Variants in STAG1 observed in about 807,000 individuals in gnomAD.
STAG1 encodes cohesin subunit SA-1.
Under a neutral mutation model 170.9 loss-of-function variants are expected in STAG1, and 26 were observed. The ratio of observed to expected loss-of-function variants is 0.15; its 90% CI spans 0.11 to 0.21. STAG1 has a LOEUF of 0.21. STAG1 is among the 10% of genes least tolerant of loss of function. The probability of loss-of-function intolerance (pLI) is 1.00; values close to 1 mark genes in which losing one functional copy is unlikely to be tolerated. For synonymous variants in STAG1, 514 were observed against 497.7 expected, an observed-to-expected ratio of 1.03 and a Z score of -0.44; for missense variants, 964 against 1,509.5, an observed-to-expected ratio of 0.64 and a Z score of 5.99.
At chr3:136,732,807 A>C (rs933084607) in intron 1 of STAG1, among the ~76,000 whole-genome samples, 1 of 151,870 alleles carries the variant, frequency 6.6e-6, no homozygotes, top group Non-Finnish European at 1.5e-5. Context: ...ACGGGGTTTC[A>C]CCATCTTGGC....
chr3:136,697,982 C>G (rs1260404407), intron 1 of STAG1, among the ~76,000 whole-genome samples: 1 of 151,264 alleles, frequency 6.6e-6, no homozygotes, highest in East Asian at 1.9e-4. Context: ...ATGAAATACA[C>G]ATTATAACTA....
intron 13 of STAG1, among the ~76,000 whole-genome samples, chr3:136,453,083 T>C (rs1241673244): frequency 6.6e-6 from 1 of 152,148 alleles, no homozygotes; most frequent in African/African-American, 2.4e-5. Context: ...TTCACAGTCA[T>C]GTAATTATAA....
intron 4 of STAG1, chr3:136,586,758 T>C (rs1937850992): frequency 4.5e-6 from 2 of 443,388 alleles, no homozygotes; most frequent in African/African-American, 2.0e-5. Flanking sequence ...TGCACTAACA[T>C]GGGGAAGCAA....
intron 4 of STAG1, among the ~76,000 whole-genome samples, chr3:136,584,041 A>G (rs577666317): frequency 6.6e-6 from 1 of 152,330 alleles, no homozygotes; most frequent in East Asian, 1.9e-4. Context: ...CAACTGTTCA[A>G]TTTTAAAGCC....
intron 1 of STAG1, among the ~76,000 whole-genome samples, chr3:136,633,385 C>G (rs1338726923): frequency 1.3e-5 from 2 of 152,100 alleles, no homozygotes; most frequent in Non-Finnish European, 2.9e-5. Context: ...AGGAATTTGT[C>G]CCTAGACATG....
At chr3:136,558,910 T>C (rs192329035) in intron 5 of STAG1, among the ~76,000 whole-genome samples, 14 of 152,338 alleles carry the variant, frequency 9.2e-5, no homozygotes, top group East Asian at 7.7e-4. Flanking sequence ...AGGTATACTT[T>C]ACAGTAGTTC....
intron 1 of STAG1, among the ~76,000 whole-genome samples, chr3:136,669,945 C>T (rs1941928377): frequency 6.6e-6 from 1 of 152,186 alleles, no homozygotes; most frequent in Non-Finnish European, 1.5e-5. Flanking sequence ...TTATGTGCTA[C>T]TAATTGGTAA....
intron 12 of STAG1, among the ~76,000 whole-genome samples, chr3:136,471,517 C>A (rs1286677311): frequency 6.6e-6 from 1 of 151,830 alleles, no homozygotes; most frequent in African/African-American, 2.4e-5. Context: ...GGTGTTAGAG[C>A]CAAAATGTAA....
intron 27 of STAG1, among the ~76,000 whole-genome samples, chr3:136,358,369 G>A (rs1253648492): frequency 5.3e-5 from 8 of 151,988 alleles, no homozygotes; most frequent in Non-Finnish European, 1.2e-4. Context: ...ACAGGCATGA[G>A]CTACCCGTGC....
chr3:136,696,577 T>C (rs1559956886), intron 1 of STAG1, among the ~76,000 whole-genome samples: 1 of 151,996 alleles, frequency 6.6e-6, no homozygotes, highest in Non-Finnish European at 1.5e-5. Flanking sequence ...CTATAACAAA[T>C]GTACCAATCT....
chr3:136,644,173 T>C (rs1940904886), intron 1 of STAG1, among the ~76,000 whole-genome samples: 2 of 152,166 alleles, frequency 1.3e-5, no homozygotes, highest in Non-Finnish European at 2.9e-5. Flanking sequence ...TATTTACTAT[T>C]AAATAAATAT....
At chr3:136,388,828 C>A (rs1232777596) in intron 22 of STAG1, among the ~76,000 whole-genome samples, 2 of 152,106 alleles carry the variant, frequency 1.3e-5, no homozygotes, top group African/African-American at 4.8e-5. Context: ...GGATAAGATA[C>A]CCATTTCTTT....
intron 7 of STAG1, among the ~76,000 whole-genome samples, chr3:136,505,233 A>G (rs1159926533): frequency 1.3e-5 from 2 of 152,138 alleles, no homozygotes; most frequent in Non-Finnish European, 2.9e-5. Context: ...ATAATGTGAC[A>G]TCAGCTCTTA....
intron 7 of STAG1, among the ~76,000 whole-genome samples, chr3:136,503,024 ACAG>A (rs1196387078): frequency 1.3e-5 from 2 of 152,154 alleles, no homozygotes; most frequent in Non-Finnish European, 2.9e-5. Flanking sequence ...ATCCTAACTA[ACAG>A]AAGAAAGGAT....
At chr3:136,557,454 C>G (rs1458267932) in intron 5 of STAG1, among the ~76,000 whole-genome samples, 1 of 152,208 alleles carries the variant, frequency 6.6e-6, no homozygotes, top group East Asian at 1.9e-4. Flanking sequence ...ACATAACTAA[C>G]TAAACTTCAC....
At chr3:136,451,283 C>G (rs568485843) in intron 14 of STAG1, among the ~76,000 whole-genome samples, 3 of 151,936 alleles carry the variant, frequency 2.0e-5, no homozygotes, top group African/African-American at 7.2e-5. Context: ...CTGAATATAG[C>G]ACATGGAAAT....
chr3:136,485,880 C>G (rs1559834040), intron 9 of STAG1, among the ~76,000 whole-genome samples: 1 of 152,142 alleles, frequency 6.6e-6, no homozygotes, highest in Admixed American at 6.6e-5. Context: ...CTGTTCCTTT[C>G]TATAAACAAT....
intron 9 of STAG1, among the ~76,000 whole-genome samples, chr3:136,486,000 T>C (rs752043964): frequency 1.3e-5 from 2 of 152,252 alleles, no homozygotes; most frequent in South Asian, 2.1e-4. Flanking sequence ...TGTGCAGATA[T>C]GTGGGAGTTT....
At chr3:136,621,699 T>A (rs1228403212) in intron 3 of STAG1, among the ~76,000 whole-genome samples, 1 of 152,056 alleles carries the variant, frequency 6.6e-6, no homozygotes, top group Non-Finnish European at 1.5e-5. Context: ...TATTTTAAGG[T>A]TGGCCTGGAG....
Sources: allele counts gnomAD v4.1 joint callset (sites outside exome capture counted in the v4.1 genomes callset), GRCh38; gene constraint gnomAD v4.1.1; transcripts MANE v1.5; gene names NCBI Gene and HGNC (gene_info 2026-07-23, HGNC 2026-07-21).